DENND5B: variants seen among roughly 807,000 people sequenced by gnomAD.
DENND5B encodes the protein DENN domain containing 5B.
DENND5B carries 34 observed loss-of-function variants against 140.6 expected under a neutral mutation model. The ratio of observed to expected loss-of-function variants is 0.24; its 90% confidence interval spans 0.18 to 0.32. The LOEUF is 0.32. DENND5B is among the 10% of genes least tolerant of loss of function. DENND5B has a pLI of 1.00. For synonymous variants in DENND5B, 551 were observed against 562.1 expected (o/e 0.98, Z 0.28); for missense variants, 1,142 against 1,560.2 (o/e 0.73, Z 4.52).
intron 1 of DENND5B, among the ~76,000 whole-genome samples, chr12:31,566,034 A>G (rs1949613640): frequency 6.6e-6 from 1 of 152,146 alleles, no homozygotes; most frequent in Non-Finnish European, 1.5e-5. Flanking sequence ...AGTCCCAACT[A>G]CTTGGGAGAC....
intron 15 of DENND5B, among the ~76,000 whole-genome samples, chr12:31,401,206 A>G (rs1941778504): frequency 6.6e-6 from 1 of 152,180 alleles, no homozygotes; most frequent in South Asian, 2.1e-4. Flanking sequence ...ACCATGCTCT[A>G]ACTTAGGGAT....
intron 1 of DENND5B, among the ~76,000 whole-genome samples, chr12:31,522,986 TATGGGAGA>T (rs1947954211): frequency 6.6e-6 from 1 of 151,744 alleles, no homozygotes; most frequent in South Asian, 2.1e-4. Context: ...AGGGGACCAA[TATGGGAGA>T]TTCCCTGAGG....
chr12:31,459,003 G>T (rs186999350), intron 4 of DENND5B, among the ~76,000 whole-genome samples: 58 of 152,044 alleles, frequency 3.8e-4, no homozygotes, highest in Non-Finnish European at 1.2e-4. Flanking sequence ...ACCTGAAGAT[G>T]GGAGTTTGAC....
intron 1 of DENND5B, among the ~76,000 whole-genome samples, chr12:31,551,521 G>C (rs1163939840): frequency 6.6e-6 from 1 of 152,104 alleles, no homozygotes; most frequent in East Asian, 1.9e-4. Flanking sequence ...TGTTCTTTTG[G>C]CTTAGGATTG....
At chr12:31,469,332 C>CA (rs572719010) in intron 3 of DENND5B, among the ~76,000 whole-genome samples, 19,723 of 105,772 alleles carry the variant, frequency 0.19, 2,072 homozygotes, top group African/African-American at 0.21. Context: ...GACTCCATCT[C>CA]AAAAAAAAAA....
At chr12:31,483,420 T>C (rs1946148793) in intron 2 of DENND5B, among the ~76,000 whole-genome samples, 1 of 152,070 alleles carries the variant, frequency 6.6e-6, no homozygotes, top group Non-Finnish European at 1.5e-5. Context: ...ACTTTTTAAA[T>C]AAATGTGGTT....
rs574761184 is a variant in DENND5B at position 31,386,473 on chromosome 12, C to T, written c.*1130G>A. 7.9e-5 allele frequency: 12 copies of T among 152,382 alleles called. No homozygotes were observed. Among genetic ancestry groups the T allele is most frequent in the African/African-American group, 2.9e-4 (12 of 41,572 alleles). 9.4% of individuals were successfully genotyped at this position (152,382 alleles called of 1,614,324 possible). On this transcript the variant is annotated 3_prime_UTR_variant, in exon 21 of 21. Coordinates refer to ENST00000389082, the MANE Select transcript of DENND5B (RefSeq NM_144973.4). ...GTCAGTTGTTTTACATTATTACTCC[C>T]CTTCCTACAAAGGAACGTAAAGCTT...
At chr12:31,590,623 G>C in intron 1 of DENND5B, 83 bp downstream of exon 1, 1 of 1,360,676 alleles carries the variant, frequency 7.3e-7, no homozygotes, top group Non-Finnish European at 9.4e-7. Context: ...TTTGTCTGGA[G>C]CCTGCACCCC....
intron 17 of DENND5B, among the ~76,000 whole-genome samples, chr12:31,396,132 C>T (rs1203875177): frequency 7.0e-5 from 10 of 142,780 alleles, no homozygotes; most frequent in Admixed American, 6.7e-4. Flanking sequence ...TGCAGTGGCA[C>T]GATATTGGCT....
At position 31,389,370 on chromosome 12, in the gene DENND5B, T is replaced by C. The variant is rs765021778; in HGVS notation, c.3595A>G (p.Ile1199Val). Residue 1199 changes from isoleucine to valine, a missense_variant, in exon 20 of 21, where the codon ATT (isoleucine) becomes GTT (valine). Physicochemically the swap from Ile to Val is conservative, Grantham distance 29. Around this residue, in one of 5 missense-constraint regions of DENND5B, gnomAD observed 125 missense variants for 179.0 expected, o/e 0.70. Coordinates refer to ENST00000389082, the MANE Select transcript of DENND5B (RefSeq NM_144973.4). ...VNAINTAPRNIGKDGKFQILV... is the reference protein window; with the variant it reads ...VNAINTAPRNVGKDGKFQILV... The stretch of plus-strand genomic sequence containing the variant: ...ATCTGGAATTTGCCATCCTTCCCAA[T>C]GTTCCTGGGTGCAGTATTAATAGCA... 3 of 1,613,404 alleles carry C rather than the reference T, an allele frequency of 1.9e-6. No homozygotes were observed. The South Asian group carries it at 3.3e-5, about 18-fold the overall frequency.
chr12:31,416,385 T>C (rs1281333520), intron 11 of DENND5B, among the ~76,000 whole-genome samples: 3 of 151,984 alleles, frequency 2.0e-5, no homozygotes, highest in African/African-American at 7.3e-5. Context: ...TGCCTCAGCC[T>C]CCCGAGTAGC....
intron 17 of DENND5B, among the ~76,000 whole-genome samples, chr12:31,395,342 C>T (rs1432652270): frequency 1.3e-5 from 2 of 152,186 alleles, no homozygotes; most frequent in African/African-American, 2.4e-5. Flanking sequence ...GCCTGCAATC[C>T]CAGCACTCTG....
intron 1 of DENND5B, among the ~76,000 whole-genome samples, chr12:31,497,616 T>C (rs1946809080): frequency 6.7e-6 from 1 of 150,336 alleles, no homozygotes; most frequent in African/African-American, 2.5e-5. Flanking sequence ...AAATTGTAAA[T>C]TATTCACTTC....
chr12:31,489,803 G>A (rs920440637), intron 2 of DENND5B, among the ~76,000 whole-genome samples: 8 of 152,178 alleles, frequency 5.3e-5, no homozygotes, highest in African/African-American at 1.4e-4. Context: ...CTGGGAAGAC[G>A]GTGGAAGGTG....
At chr12:31,583,600 C>G (rs1042455893) in intron 1 of DENND5B, among the ~76,000 whole-genome samples, 2 of 152,102 alleles carry the variant, frequency 1.3e-5, no homozygotes, top group African/African-American at 4.8e-5. Context: ...ATCACTTAAA[C>G]CTGGGAGGCA....
chr12:31,564,731 G>C (rs1949574122), intron 1 of DENND5B, among the ~76,000 whole-genome samples: 1 of 151,714 alleles, frequency 6.6e-6, no homozygotes, highest in South Asian at 2.1e-4. Flanking sequence ...TGGGACTACA[G>C]GTAGGCACCA....
Position 31,544,402 on chromosome 12 carries a change from C to A in DENND5B, c.127+46304G>T, listed in dbSNP as rs552569112. ...GCTCAAGCAATCCTCCTGCCTCAGC[C>A]TTCCAAGCAGATGGAATTGCTGGCA... is the stretch of plus-strand genomic sequence containing the variant. On this transcript the variant is annotated intron_variant, in intron 1 of 20. Coordinates refer to ENST00000389082, the MANE Select transcript of DENND5B (RefSeq NM_144973.4). 5.3e-5 allele frequency among the ~76,000 whole-genome samples: 8 copies of A among 152,274 alleles called. No individual in the cohort carries two copies. In the South Asian group the frequency reaches 1.7e-3, roughly 32 times the overall value.
At chr12:31,418,876 G>A (rs1385942010) in intron 11 of DENND5B, among the ~76,000 whole-genome samples, 1 of 152,160 alleles carries the variant, frequency 6.6e-6, no homozygotes, top group East Asian at 1.9e-4. Flanking sequence ...CTGGCTCAAG[G>A]AATCCTCCCA....
At chr12:31,447,903 C>A (rs1944339700) in intron 5 of DENND5B, 134 bp from the exon 6 acceptor site, 1 of 689,236 alleles carries the variant, frequency 1.5e-6, no homozygotes, top group African/African-American at 1.8e-5. Flanking sequence ...ATTCAAAAAT[C>A]CTTAAAAATC....
Sources: gnomAD v4.1 joint callset for allele counts (sites outside exome capture counted in the v4.1 genomes callset) on GRCh38, gnomAD v4.1.1 for gene constraint, gnomAD v4.1.1 regional missense constraint, MANE v1.5 for transcripts, NCBI Gene and HGNC (gene_info 2026-07-23, HGNC 2026-07-21) for gene names.